The following RNF4 variants were observed in gnomAD, a reference collection of about 807,000 sequenced individuals.
RNF4 encodes E3 ubiquitin-protein ligase RNF4.
A neutral mutation model predicts 24.3 loss-of-function variants in RNF4; 7 were observed. The observed-to-expected ratio is 0.29, with a 90% CI of 0.16 to 0.54. The LOEUF is 0.54. Ranked by LOEUF, RNF4 falls within the 20% of genes least tolerant of loss-of-function variation. The probability of loss-of-function intolerance (pLI) is 0.95; values close to 1 mark genes in which losing one functional copy is unlikely to be tolerated. For missense variants in RNF4, 209 were observed against 248.5 expected (o/e 0.84, Z 1.07); for synonymous variants, 83 against 84.3 (o/e 0.98, Z 0.09).
Position 2,512,615 on chromosome 4 carries a change from G to T in RNF4, c.374+18G>T. ...GGCCTCAGGTACCAACGTGCCCCCA[G>T]CTCTGCTGCCGCCATGCTAGGATGT... On this transcript the variant is annotated intron_variant, in intron 6 of 7. Transcript: ENST00000314289. This position sits in a 1 kb window ranked among gnomAD's most constrained non-coding sequence, Gnocchi z 4.1. 1 of 1,612,556 alleles carries T rather than the reference G, an allele frequency of 6.2e-7. No individual in the cohort carries two copies. Among genetic ancestry groups the T allele is most frequent in the Non-Finnish European group, 8.5e-7 (1 of 1,179,068 alleles).
rs1736331397 is a variant in RNF4 at position 2,513,652 on chromosome 4, CT to C, written c.424-13del. 6.2e-7 allele frequency: 1 copy of C among 1,612,454 alleles called. No homozygotes were observed. The highest frequency in any genetic ancestry group is 1.1e-5 in the South Asian group (1 of 91,022). The stretch of plus-strand genomic sequence containing the variant: ...GACAAGGGCAAACTCGGAGGCTCTT[CT>C]TTTTAATGCCTTCTAGATCGTGCAG... On this transcript the variant is annotated splice_polypyrimidine_tract_variant and intron_variant, in intron 7 of 7. Coordinates refer to ENST00000314289, the MANE Select transcript of RNF4 (RefSeq NM_002938.5).
intron 1 of RNF4, among the ~76,000 whole-genome samples, chr4:2,485,856 C>G (rs1379501160): frequency 6.6e-6 from 1 of 152,150 alleles, no homozygotes; most frequent in Non-Finnish European, 1.5e-5. Flanking sequence ...GGACGAGAGA[C>G]TGGAGGATGG....
chr4:2,471,689 A>G (rs1734914611), intron 1 of RNF4, among the ~76,000 whole-genome samples: 1 of 152,254 alleles, frequency 6.6e-6, no homozygotes, highest in African/African-American at 2.4e-5. Flanking sequence ...TGATAAGCCA[A>G]ACAGCCTTAT....
chr4:2,504,573 C>CA (rs1736012750), intron 4 of RNF4, among the ~76,000 whole-genome samples: 1 of 128,488 alleles, frequency 7.8e-6, no homozygotes, highest in African/African-American at 2.9e-5. Flanking sequence ...TATTTTGAGA[C>CA]AGAGTCTTGC....
intron 4 of RNF4, 23 bp downstream of exon 4, chr4:2,500,761 C>T (rs1462700667): frequency 4.3e-6 from 7 of 1,611,370 alleles, no homozygotes; most frequent in East Asian, 2.2e-5. Context: ...GTGTGAGAGT[C>T]GGCTGTTTCT....
At position 2,515,645 on chromosome 4, in the gene RNF4, A is replaced by G. The variant is rs1039453972; in HGVS notation, c.*1826A>G. 2 of 152,618 alleles carry G rather than the reference A, an allele frequency of 1.3e-5. No individual in the cohort carries two copies. Among genetic ancestry groups the G allele is most frequent in the African/African-American group, 4.8e-5 (2 of 41,462 alleles). 9.5% of individuals were successfully genotyped at this position (152,618 alleles called of 1,614,324 possible). A position where few individuals can be genotyped will look rare whatever the true frequency, so the allele number is the denominator to read the frequency against. ...GTTGTGTTACTTCGTCCTAAATTAA[A>G]TTGATAGAAAGATTTAAAAATGTGT... On this transcript the variant is annotated 3_prime_UTR_variant, in exon 8 of 8. Coordinates refer to ENST00000314289, the MANE Select transcript of RNF4 (RefSeq NM_002938.5).
intron 4 of RNF4, chr4:2,505,469 G>C (rs1464373790): frequency 1.3e-5 from 2 of 151,698 alleles, no homozygotes; most frequent in Non-Finnish European, 2.9e-5. Flanking sequence ...GGGACTACAG[G>C]TGCCCGCCAC....
At chr4:2,489,598 C>G (rs956291522) in intron 1 of RNF4, among the ~76,000 whole-genome samples, 2 of 152,178 alleles carry the variant, frequency 1.3e-5, no homozygotes, top group African/African-American at 4.8e-5. Context: ...CTCTCCTAAT[C>G]TAAGCCACTA....
At chr4:2,500,972 A>G (rs1185810804) in intron 4 of RNF4, among the ~76,000 whole-genome samples, 9 of 152,238 alleles carry the variant, frequency 5.9e-5, no homozygotes, top group Admixed American at 5.9e-4. Flanking sequence ...TTTCTGGAAA[A>G]TCATTTGTTA....
At chr4:2,507,578 T>G (rs897480340) in intron 4 of RNF4, among the ~76,000 whole-genome samples, 3 of 152,158 alleles carry the variant, frequency 2.0e-5, no homozygotes, top group African/African-American at 7.2e-5. Flanking sequence ...AGCAAGTGTG[T>G]CTTGGTGCCC....
intron 1 of RNF4, among the ~76,000 whole-genome samples, chr4:2,482,617 C>T (rs1735276684): frequency 6.6e-6 from 1 of 152,224 alleles, no homozygotes; most frequent in Non-Finnish European, 1.5e-5. Context: ...TTTCAGGCCC[C>T]TGGGGATTTT....
At chr4:2,470,989 G>A (rs1446627358) in intron 1 of RNF4, 2 of 138,744 alleles carry the variant, frequency 1.4e-5, no homozygotes, top group Admixed American at 7.3e-5. Flanking sequence ...TTTTTGAGGT[G>A]GAATCTCACT....
intron 4 of RNF4, among the ~76,000 whole-genome samples, chr4:2,507,916 C>G (rs1023467213): frequency 1.3e-5 from 2 of 151,886 alleles, no homozygotes; most frequent in Non-Finnish European, 2.9e-5. Context: ...AGGCAGGGGC[C>G]CGAGCTCAGC....
chr4:2,472,032 GA>G (rs933153116), intron 1 of RNF4, among the ~76,000 whole-genome samples: 15 of 151,016 alleles, frequency 9.9e-5, no homozygotes, highest in Middle Eastern at 3.4e-3. Flanking sequence ...GCCTTATATG[GA>G]AAAAAAAATA....
At chr4:2,494,373 CTTT>C (rs753327529) in intron 2 of RNF4, among the ~76,000 whole-genome samples, 7 of 98,204 alleles carry the variant, frequency 7.1e-5, no homozygotes, top group Admixed American at 1.3e-4. Flanking sequence ...CAACTTAGAA[CTTT>C]TTTTTTTTTT....
intron 1 of RNF4, among the ~76,000 whole-genome samples, chr4:2,478,757 A>T (rs905985694): frequency 6.6e-6 from 1 of 152,186 alleles, no homozygotes; most frequent in Non-Finnish European, 1.5e-5. Flanking sequence ...GGGGCGGGAC[A>T]CTCATGGAGA....
chr4:2,478,138 C>A (rs917352711), intron 1 of RNF4, among the ~76,000 whole-genome samples: 2 of 152,160 alleles, frequency 1.3e-5, no homozygotes, highest in Admixed American at 6.5e-5. Context: ...ATTTGTGGAA[C>A]TTTGAACTTG....
intron 2 of RNF4, among the ~76,000 whole-genome samples, chr4:2,494,173 A>G (rs1161873305): frequency 6.6e-6 from 1 of 152,008 alleles, no homozygotes; most frequent in East Asian, 1.9e-4. Flanking sequence ...ACGTAAATTC[A>G]ATTTTTTTTA....
At chr4:2,499,117 C>T (rs1735832722) in intron 3 of RNF4, among the ~76,000 whole-genome samples, 1 of 146,822 alleles carries the variant, frequency 6.8e-6, no homozygotes, top group Admixed American at 6.8e-5. Context: ...GAATCACTTG[C>T]ACCTGGGAGG....
Sources: allele counts gnomAD v4.1 joint callset (sites outside exome capture counted in the v4.1 genomes callset), GRCh38; gene constraint gnomAD v4.1.1; non-coding constraint Gnocchi (gnomAD v3.1); transcripts MANE v1.5; gene names NCBI Gene and HGNC (gene_info 2026-07-23, HGNC 2026-07-21).